CIAO2A: variants seen among roughly 807,000 people sequenced by gnomAD.
The protein encoded by CIAO2A is MIP18 family protein FAM96A.
In CIAO2A, 17 loss-of-function variants were observed where a neutral mutation model predicts 22.4. The ratio of observed to expected loss-of-function variants is 0.76; its 90% confidence interval spans 0.52 to 1.14. The LOEUF is 1.14. Among genes scored for constraint, CIAO2A ranks in the 50% most tolerant of loss-of-function variants. The pLI, the probability that CIAO2A is intolerant of heterozygous loss-of-function variation, is 0.00. For synonymous variants in CIAO2A, 74 were observed against 72.3 expected (o/e 1.02, Z -0.12); for missense variants, 192 against 191.4 (o/e 1.00, Z -0.02).
At chr15:64,084,847 C>T (rs971322786) in intron 2 of CIAO2A, among the ~76,000 whole-genome samples, 39 of 152,080 alleles carry the variant, frequency 2.6e-4, no homozygotes, top group Non-Finnish European at 4.3e-4. Flanking sequence ...AATCCCAGCA[C>T]TTTGGTAGGC....
intron 3 of CIAO2A, 117 bp from the exon 4 acceptor site, chr15:64,075,654 T>C (rs1460513001): frequency 2.5e-5 from 4 of 159,042 alleles, no homozygotes; most frequent in Non-Finnish European, 5.1e-5. Flanking sequence ...ATCCTGTTTC[T>C]TTTTTTTTTT....
chr15:64,075,202 C>T (rs1434435341), intron 4 of CIAO2A: 1 of 224,516 alleles, frequency 4.5e-6, no homozygotes. Context: ...AGAAAAGAAG[C>T]CTACTTAGAG....
In CIAO2A at chr15:64,075,690, G is replaced by A. The variant is rs370041628; in HGVS notation, c.340-153C>T. Among the ~76,000 whole-genome samples, 24 of 146,422 alleles carry A rather than the reference G, an allele frequency of 1.6e-4. No individual in the cohort carries two copies. The East Asian group carries it at 3.4e-3, about 21-fold the overall frequency. ...TTTTGAGATGGAGTCTCACCCTGTT[G>A]CCCAGGCTGGAGTGCAGTGGCATGA... On this transcript the variant is annotated intron_variant, in intron 3 of 4. Transcript: ENST00000300030.
At chr15:64,077,619 T>A (rs770435328) in intron 3 of CIAO2A, among the ~76,000 whole-genome samples, 2 of 152,322 alleles carry the variant, frequency 1.3e-5, no homozygotes, top group South Asian at 2.1e-4. Flanking sequence ...ACAAACTGAA[T>A]CTAACCAGGA....
intron 2 of CIAO2A, among the ~76,000 whole-genome samples, chr15:64,083,221 TTACTATTTTA>T (rs1290866024): frequency 7.3e-5 from 11 of 151,408 alleles, no homozygotes; most frequent in Admixed American, 3.9e-4. Context: ...GTATAAAATA[TTACTATTTTA>T]TACTATTTTA....
chr15:64,086,581 T>G (rs1484312451), intron 2 of CIAO2A, among the ~76,000 whole-genome samples: 6 of 151,526 alleles, frequency 4.0e-5, no homozygotes, highest in Non-Finnish European at 8.8e-5. Context: ...AACCATGCAT[T>G]CAGCATTCAG....
intron 2 of CIAO2A, among the ~76,000 whole-genome samples, chr15:64,082,557 A>G (rs1595955897): frequency 6.6e-6 from 1 of 152,226 alleles, no homozygotes; most frequent in Non-Finnish European, 1.5e-5. Flanking sequence ...GTAGTTCTAT[A>G]ATAAATATTA....
intron 2 of CIAO2A, among the ~76,000 whole-genome samples, chr15:64,085,739 C>T (rs990788565): frequency 1.3e-5 from 2 of 151,672 alleles, no homozygotes; most frequent in Non-Finnish European, 1.5e-5. Context: ...GACGGAGTCT[C>T]GCACTGTAGC....
At chr15:64,076,102 T>C (rs1323977738) in intron 3 of CIAO2A, among the ~76,000 whole-genome samples, 1 of 152,228 alleles carries the variant, frequency 6.6e-6, no homozygotes. Flanking sequence ...CATTAATTTT[T>C]TTATGAATAC....
At chr15:64,087,848 G>A (rs1460296471) in intron 2 of CIAO2A, among the ~76,000 whole-genome samples, 3 of 151,368 alleles carry the variant, frequency 2.0e-5, no homozygotes, top group Non-Finnish European at 4.4e-5. Context: ...CACCCTTATA[G>A]CTATTCATTT....
rs1242699131 is a variant in CIAO2A, at chr15:64,088,698, G to A, written c.278C>T (p.Ala93Val). 6.8e-6 allele frequency: 11 copies of A among 1,608,376 alleles called. No homozygotes were observed. Among genetic ancestry groups the A allele is most frequent in the African/African-American group, 1.3e-5 (1 of 74,576 alleles). Residue 93 changes from alanine to valine, a missense_variant, in exon 2 of 5, where the codon GCG becomes GTG. Ala to Val is a moderately conservative substitution (Grantham distance 64). Coordinates refer to ENST00000300030, the MANE Select transcript of CIAO2A (RefSeq NM_032231.7). ...FTPTVPHCSLATLIGLCLRVK... is the reference protein window; with the variant it reads ...FTPTVPHCSLVTLIGLCLRVK... ...ACAGAAAAACTTACCAATAAGAGTC[G>A]CCAAAGAGCAATGAGGTACTGTTGG... is the stretch of plus-strand genomic sequence containing the variant.
intron 3 of CIAO2A, among the ~76,000 whole-genome samples, chr15:64,077,115 A>G (rs1376511058): frequency 6.6e-6 from 1 of 152,174 alleles, no homozygotes; most frequent in Non-Finnish European, 1.5e-5. Flanking sequence ...GATCGAGACC[A>G]TCCTGGCTAA....
intron 3 of CIAO2A, among the ~76,000 whole-genome samples, chr15:64,077,763 T>C (rs1417087888): frequency 1.3e-5 from 2 of 152,084 alleles, no homozygotes; most frequent in African/African-American, 4.8e-5. Flanking sequence ...TGGCAACTAA[T>C]GCAATGTATG....
chr15:64,078,068 C>G (rs1367232941), intron 3 of CIAO2A, among the ~76,000 whole-genome samples: 2 of 152,120 alleles, frequency 1.3e-5, no homozygotes, highest in African/African-American at 4.8e-5. Flanking sequence ...ATTAGTGAAT[C>G]TGAATCTGGG....
chr15:64,081,001 G>C (rs955527309), intron 3 of CIAO2A, 101 bp downstream of exon 3: 1 of 1,172,886 alleles, frequency 8.5e-7, no homozygotes, highest in African/African-American at 1.5e-5. Flanking sequence ...AAAAACCACT[G>C]AATTGGTACA....
At chr15:64,081,235 C>T in intron 2 of CIAO2A, 84 bp from the exon 3 acceptor site, 1 of 1,307,600 alleles carries the variant, frequency 7.6e-7, no homozygotes, top group Non-Finnish European at 1.1e-6. Context: ...CGTTTATGTG[C>T]CCCCATACAA....
chr15:64,073,987 A>T (rs1405518818), intron 4 of CIAO2A, among the ~76,000 whole-genome samples: 1 of 152,254 alleles, frequency 6.6e-6, no homozygotes, highest in Non-Finnish European at 1.5e-5. Flanking sequence ...TATTATTGTC[A>T]TAATTTGCAT....
At chr15:64,076,254 A>C (rs443881) in intron 3 of CIAO2A, among the ~76,000 whole-genome samples, 47,055 of 151,548 alleles carry the variant, frequency 0.31, 8,648 homozygotes, top group South Asian at 0.57. Context: ...CTACAATAAC[A>C]ATCTAGTGTG....
intron 2 of CIAO2A, among the ~76,000 whole-genome samples, chr15:64,082,136 T>C (rs1382541084): frequency 1.3e-5 from 2 of 152,216 alleles, no homozygotes; most frequent in African/African-American, 4.8e-5. Context: ...TAAGTACCAT[T>C]TGGTTTTCTA....
Sources: gnomAD v4.1 joint callset for allele counts (sites outside exome capture counted in the v4.1 genomes callset) on GRCh38, gnomAD v4.1.1 for gene constraint, MANE v1.5 for transcripts, NCBI Gene and HGNC (gene_info 2026-07-23, HGNC 2026-07-21) for gene names.